Variants in MYO3A observed in about 807,000 individuals in gnomAD.
The protein encoded by MYO3A is myosin IIIA.
MYO3A carries 180 observed loss-of-function variants against 192.7 expected under a neutral mutation model. The ratio of observed to expected loss-of-function variants is 0.93; its 90% CI spans 0.83 to 1.06. The LOEUF (loss-of-function observed/expected upper bound fraction) is 1.06. Among genes scored for constraint, MYO3A ranks in the 50% least tolerant of loss-of-function variants. The pLI is 0.00. For missense variants in MYO3A, 1,896 were observed against 1,905.0 expected (o/e 1.00, Z 0.09); for synonymous variants, 628 against 645.3 (o/e 0.97, Z 0.41).
At chr10:25,953,295 G>A (rs1293225995) in intron 3 of MYO3A, among the ~76,000 whole-genome samples, 1 of 151,500 alleles carries the variant, frequency 6.6e-6, no homozygotes, top group Non-Finnish European at 1.5e-5. Flanking sequence ...TTTATTTTTT[G>A]ATAGTTTATT....
chr10:25,945,476 T>C (rs1189334544), intron 2 of MYO3A, among the ~76,000 whole-genome samples: 2 of 152,174 alleles, frequency 1.3e-5, no homozygotes, highest in African/African-American at 4.8e-5. Flanking sequence ...ACTATTATTG[T>C]AGAGCTGTCT....
intron 6 of MYO3A, among the ~76,000 whole-genome samples, chr10:26,010,622 C>T (rs1232272637): frequency 6.6e-6 from 1 of 152,092 alleles, no homozygotes; most frequent in Non-Finnish European, 1.5e-5. Context: ...CACCACCACA[C>T]TCGGCTGATT....
intron 30 of MYO3A, among the ~76,000 whole-genome samples, chr10:26,176,286 T>A: frequency 7.2e-6 from 1 of 139,520 alleles, no homozygotes. Flanking sequence ...AGAGCGAGAC[T>A]CCGTCTCAAA....
chr10:25,992,834 A>G (rs745989121), intron 4 of MYO3A, among the ~76,000 whole-genome samples: 20 of 152,246 alleles, frequency 1.3e-4, no homozygotes, highest in Non-Finnish European at 2.1e-4. Flanking sequence ...ATGTTGAACC[A>G]GCCTTGCATC....
chr10:25,956,898 C>G (rs1345843107), intron 4 of MYO3A, among the ~76,000 whole-genome samples: 1 of 152,080 alleles, frequency 6.6e-6, no homozygotes, highest in Non-Finnish European at 1.5e-5. Flanking sequence ...TTCCCACCCT[C>G]TACCATCAGG....
chr10:26,016,114 G>C (rs191015209), intron 6 of MYO3A, among the ~76,000 whole-genome samples: 75 of 152,208 alleles, frequency 4.9e-4, no homozygotes, highest in Non-Finnish European at 5.0e-4. Flanking sequence ...AAAAGAAACT[G>C]TACTCCTAAT....
intron 10 of MYO3A, among the ~76,000 whole-genome samples, chr10:26,053,304 G>A (rs1262098455): frequency 6.6e-6 from 1 of 151,894 alleles, no homozygotes; most frequent in African/African-American, 2.4e-5. Flanking sequence ...CGTTTTCTTT[G>A]GTTTCACAGT....
chr10:26,052,481 C>T (rs1844061100), intron 10 of MYO3A, among the ~76,000 whole-genome samples: 1 of 152,138 alleles, frequency 6.6e-6, no homozygotes, highest in Non-Finnish European at 1.5e-5. Context: ...TTCAAAACTA[C>T]ATACCAGGTC....
chr10:26,011,567 C>A (rs1198701840), intron 6 of MYO3A, among the ~76,000 whole-genome samples: 1 of 152,052 alleles, frequency 6.6e-6, no homozygotes, highest in African/African-American at 2.4e-5. Flanking sequence ...TAGATTGAAT[C>A]AGGAAGTAAT....
intron 8 of MYO3A, chr10:26,021,951 G>A: frequency 5.2e-6 from 2 of 388,296 alleles, no homozygotes; most frequent in Non-Finnish European, 9.8e-6. Context: ...AGTCAGTGAG[G>A]CATCAGAGTC....
At chr10:26,032,920 C>G (rs1207166241) in intron 10 of MYO3A, among the ~76,000 whole-genome samples, 2 of 152,172 alleles carry the variant, frequency 1.3e-5, no homozygotes, top group African/African-American at 4.8e-5. Context: ...TTTTCCTTGA[C>G]ACATGAGACT....
At chr10:26,048,286 A>G (rs974772272) in intron 10 of MYO3A, among the ~76,000 whole-genome samples, 2 of 151,552 alleles carry the variant, frequency 1.3e-5, no homozygotes, top group Admixed American at 1.3e-4. Context: ...TATTTAACAG[A>G]ATTTGTAGTT....
chr10:25,957,748 A>G (rs995000091), intron 4 of MYO3A, among the ~76,000 whole-genome samples: 14 of 152,128 alleles, frequency 9.2e-5, no homozygotes, highest in African/African-American at 3.4e-4. Context: ...AAACCTCACC[A>G]ATATCTGTTA....
At chr10:26,195,639 T>C (rs1843371953) in intron 32 of MYO3A, among the ~76,000 whole-genome samples, 1 of 152,206 alleles carries the variant, frequency 6.6e-6, no homozygotes, top group Non-Finnish European at 1.5e-5. Context: ...CCCAGTAACC[T>C]GCATTCTCCT....
intron 25 of MYO3A, among the ~76,000 whole-genome samples, chr10:26,156,970 A>ATAC (rs1321488572): frequency 7.2e-5 from 11 of 152,232 alleles, no homozygotes; most frequent in Non-Finnish European, 1.2e-4. Context: ...ATAATATTAT[A>ATAC]ATTTGGTAAG....
chr10:26,129,514 AAAAC>A (rs1839414453), intron 20 of MYO3A, among the ~76,000 whole-genome samples: 1 of 152,148 alleles, frequency 6.6e-6, no homozygotes, highest in African/African-American at 2.4e-5. Flanking sequence ...AACAGAATAA[AAAAC>A]AAAGCCCTTT....
intron 17 of MYO3A, among the ~76,000 whole-genome samples, chr10:26,103,750 T>C (rs553178142): frequency 1.3e-4 from 20 of 152,304 alleles, no homozygotes; most frequent in Admixed American, 9.8e-4. Flanking sequence ...TGTTTAACCT[T>C]TTCACTAAAT....
intron 2 of MYO3A, among the ~76,000 whole-genome samples, chr10:25,938,581 G>T (rs1836269316): frequency 6.6e-6 from 1 of 152,184 alleles, no homozygotes. Context: ...TGAATCTGAT[G>T]TAATCCTTAT....
intron 10 of MYO3A, among the ~76,000 whole-genome samples, chr10:26,051,285 A>C (rs1843987024): frequency 6.6e-6 from 1 of 152,172 alleles, no homozygotes; most frequent in Non-Finnish European, 1.5e-5. Context: ...GAAGCCACTA[A>C]AAATTGGAGA....
Sources: gnomAD v4.1 joint callset for allele counts (sites outside exome capture counted in the v4.1 genomes callset) on GRCh38, gnomAD v4.1.1 for gene constraint, MANE v1.5 for transcripts, NCBI Gene and HGNC (gene_info 2026-07-23, HGNC 2026-07-21) for gene names.